CUL4A: variants seen among roughly 807,000 people sequenced by gnomAD.
The protein encoded by CUL4A is cullin-4A.
In CUL4A, 16 loss-of-function variants were observed where a neutral mutation model predicts 95.5. That is an observed-to-expected ratio of 0.17 (90% CI 0.11 to 0.25). The LOEUF (loss-of-function observed/expected upper bound fraction) is 0.25. Among genes scored for constraint, CUL4A ranks in the 10% least tolerant of loss-of-function variants. The probability of loss-of-function intolerance (pLI) is 1.00; values close to 1 mark genes in which losing one functional copy is unlikely to be tolerated. For missense variants in CUL4A, 610 were observed against 937.0 expected (o/e 0.65, Z 4.56); for synonymous variants, 380 against 353.1 (o/e 1.08, Z -0.85).
chr13:113,241,661 C>A (rs781340844), intron 10 of CUL4A, among the ~76,000 whole-genome samples: 79 of 151,918 alleles, frequency 5.2e-4, no homozygotes, highest in Admixed American at 1.2e-3. Flanking sequence ...TTACAGGCTC[C>A]CGCCACCACA....
At chr13:113,226,978 AC>A (rs531804545) in intron 3 of CUL4A, among the ~76,000 whole-genome samples, 1 of 152,040 alleles carries the variant, frequency 6.6e-6, no homozygotes, top group South Asian at 2.1e-4. Context: ...CCCGCCACCT[AC>A]CCCCAGGGCA....
intron 2 of CUL4A, among the ~76,000 whole-genome samples, chr13:113,210,807 C>T (rs1182544682): frequency 2.7e-5 from 4 of 147,832 alleles, no homozygotes; most frequent in African/African-American, 9.9e-5. Context: ...AACTTTTTTT[C>T]TGGATATGCA....
intron 14 of CUL4A, 127 bp downstream of exon 14, chr13:113,245,364 C>G: frequency 1.2e-6 from 1 of 808,576 alleles, no homozygotes. Context: ...AAGTTCAAAA[C>G]TACCCTGATC....
In CUL4A at chr13:113,233,114, A is replaced by G. The variant is rs766732314; in HGVS notation, c.513-63A>G. On this transcript the variant is annotated intron_variant, in intron 5 of 19. Coordinates refer to ENST00000375440, the MANE Select transcript of CUL4A (RefSeq NM_001008895.4). ...ATGATATTGAATAGCATAGCTGGAG[A>G]TTCACCCATAACTTCTAAAAAGCGA... 2.0e-6 allele frequency: 3 copies of G among 1,528,386 alleles called. No individual in the cohort carries two copies. In the Admixed American group the frequency reaches 5.4e-5, roughly 28 times the overall value. 94.7% of individuals were successfully genotyped at this position (1,528,386 alleles called of 1,614,324 possible). A position where few individuals can be genotyped will look rare whatever the true frequency, so the allele number is the denominator to read the frequency against.
intron 17 of CUL4A, 34 bp from the exon 18 acceptor site, chr13:113,254,919 C>T (rs367930361): frequency 2.6e-5 from 42 of 1,607,636 alleles, no homozygotes; most frequent in Middle Eastern, 1.7e-4. Flanking sequence ...ATTCGTTTAA[C>T]GCCAGCCTTT....
intron 3 of CUL4A, 55 bp downstream of exon 3, chr13:113,219,103 T>G (rs1164352119): frequency 2.8e-6 from 3 of 1,079,500 alleles, no homozygotes; most frequent in Admixed American, 2.5e-5. Context: ...CTTTTAAAAC[T>G]GAACATTATT....
intron 15 of CUL4A, among the ~76,000 whole-genome samples, chr13:113,250,895 T>TA (rs1369226341): frequency 6.6e-6 from 1 of 152,114 alleles, no homozygotes; most frequent in Non-Finnish European, 1.5e-5. Context: ...GCAGGTGATT[T>TA]ATACATGTGG....
At chr13:113,225,653 G>A (rs551424846) in intron 3 of CUL4A, among the ~76,000 whole-genome samples, 16 of 152,304 alleles carry the variant, frequency 1.1e-4, no homozygotes, top group South Asian at 6.2e-4. Flanking sequence ...CTCCGCCTTC[G>A]GCTGCTGTGG....
In CUL4A at chr13:113,239,567, T is replaced by C. The variant is rs934933207; in HGVS notation, c.1035+16T>C. On this transcript the variant is annotated intron_variant, in intron 10 of 19. Transcript: ENST00000375440. Reference sequence around the variant, plus strand: ...GTACATCAAGGTACTGGCGGGGTTTTGAGGCCGCGGGCGTGGGCATTCCCT... The same window carrying C: ...GTACATCAAGGTACTGGCGGGGTTTCGAGGCCGCGGGCGTGGGCATTCCCT... 6.9e-6 allele frequency: 11 copies of C among 1,591,926 alleles called. No individual in the cohort carries two copies. The highest frequency in any genetic ancestry group is 8.6e-6 in the Non-Finnish European group (10 of 1,164,546).
At chr13:113,228,381 C>G (rs1566337297) in intron 4 of CUL4A, among the ~76,000 whole-genome samples, 1 of 152,188 alleles carries the variant, frequency 6.6e-6, no homozygotes, top group African/African-American at 2.4e-5. Flanking sequence ...CAACCAGCGT[C>G]TTAGGCTTTG....
intron 5 of CUL4A, among the ~76,000 whole-genome samples, chr13:113,231,115 A>G (rs1274465687): frequency 6.6e-6 from 1 of 152,196 alleles, no homozygotes; most frequent in Non-Finnish European, 1.5e-5. Flanking sequence ...CATAACTGTC[A>G]TACAAACTAT....
At chr13:113,209,522 G>A, upstream of CUL4A, 1 of 657,358 alleles carries the variant, frequency 1.5e-6, no homozygotes, top group Non-Finnish European at 1.9e-6. Flanking sequence ...GGGCGGGGCG[G>A]GGCGCGCGAG....
intron 5 of CUL4A, among the ~76,000 whole-genome samples, chr13:113,230,721 A>G (rs192742800): frequency 2.0e-5 from 3 of 152,244 alleles, no homozygotes; most frequent in African/African-American, 4.8e-5. Flanking sequence ...AACTTGCCCT[A>G]CCTCAGTTGT....
rs1228616712 is a variant in CUL4A at position 113,263,631 on chromosome 13, G to A, written c.*49G>A. The A allele has an allele frequency of 1.6e-6, 2 of 1,213,736 alleles. No homozygotes were observed. Among genetic ancestry groups the A allele is most frequent in the South Asian group, 1.4e-5 (1 of 73,024 alleles). The allele number at this position is 1,213,736 out of a possible 1,614,324, so 75.2% of individuals were successfully genotyped here. ...CATGAAACACTAGAATGTACCCTCA[G>A]AGCAGGAAGCACACCTGTGCCATTT... On this transcript the variant is annotated 3_prime_UTR_variant, in exon 20 of 20. Coordinates refer to ENST00000375440, the MANE Select transcript of CUL4A (RefSeq NM_001008895.4).
At chr13:113,217,597 T>C (rs2040742547) in intron 2 of CUL4A, among the ~76,000 whole-genome samples, 1 of 152,222 alleles carries the variant, frequency 6.6e-6, no homozygotes. Context: ...CTCTCCGATA[T>C]TTAGTATTGG....
intron 3 of CUL4A, among the ~76,000 whole-genome samples, chr13:113,220,359 T>TC (rs1279474373): frequency 6.6e-6 from 1 of 152,200 alleles, no homozygotes; most frequent in East Asian, 1.9e-4. Context: ...CAAAGCCCTT[T>TC]CCTAAAGATC....
chr13:113,262,540 T>C (rs2042309245), intron 19 of CUL4A, among the ~76,000 whole-genome samples: 1 of 152,094 alleles, frequency 6.6e-6, no homozygotes, highest in African/African-American at 2.4e-5. Flanking sequence ...TCCCAGCTAC[T>C]GGGGAGGCTG....
At chr13:113,234,079 T>C in intron 7 of CUL4A, 93 bp downstream of exon 7, 3 of 692,424 alleles carry the variant, frequency 4.3e-6, no homozygotes, top group South Asian at 3.9e-5. Context: ...TTCACACACA[T>C]GCAAATGTTT....
At chr13:113,236,077 A>G (rs917969787) in intron 8 of CUL4A, among the ~76,000 whole-genome samples, 1 of 152,244 alleles carries the variant, frequency 6.6e-6, no homozygotes, top group Non-Finnish European at 1.5e-5. Flanking sequence ...TCAGCAGAGA[A>G]AACAGGAGGA....
Sources: gnomAD v4.1 joint callset for allele counts (sites outside exome capture counted in the v4.1 genomes callset) on GRCh38, gnomAD v4.1.1 for gene constraint, MANE v1.5 for transcripts, NCBI Gene and HGNC (gene_info 2026-07-23, HGNC 2026-07-21) for gene names.